Variants in ZNF385B observed in about 807,000 individuals in gnomAD.
ZNF385B encodes the protein zinc finger protein 385B.
ZNF385B carries 23 observed loss-of-function variants against 39.2 expected under a neutral mutation model. That is an observed-to-expected ratio of 0.59 (90% CI 0.42 to 0.83). The LOEUF is 0.83. ZNF385B is among the 40% of genes least tolerant of loss of function. ZNF385B has a pLI of 0.00. For synonymous variants in ZNF385B, 205 were observed against 222.6 expected (o/e 0.92, Z 0.70); for missense variants, 552 against 598.9 (o/e 0.92, Z 0.82).
chr2:179,802,762 C>A (rs1197883763), intron 1 of ZNF385B: 1 of 152,068 alleles, frequency 6.6e-6, no homozygotes, highest in Non-Finnish European at 1.5e-5. Context: ...GAGGAAATTT[C>A]TGAGAGGTAA....
chr2:179,557,838 T>C (rs1240169169), intron 3 of ZNF385B, among the ~76,000 whole-genome samples: 1 of 152,084 alleles, frequency 6.6e-6, no homozygotes, highest in Non-Finnish European at 1.5e-5. Flanking sequence ...ATGAACATAG[T>C]ACCTGATAGG....
chr2:179,733,250 C>A (rs1701511556), intron 3 of ZNF385B, among the ~76,000 whole-genome samples: 1 of 152,164 alleles, frequency 6.6e-6, no homozygotes, highest in East Asian at 1.9e-4. Flanking sequence ...AGGACAAGGG[C>A]AACAGGCTGG....
chr2:179,777,088 A>G (rs1469424839), intron 1 of ZNF385B, among the ~76,000 whole-genome samples: 1 of 151,798 alleles, frequency 6.6e-6, no homozygotes, highest in Non-Finnish European at 1.5e-5. Flanking sequence ...AGAAGACCCA[A>G]CTGTTTAATG....
At chr2:179,820,815 G>A (rs1272981650) in intron 1 of ZNF385B, among the ~76,000 whole-genome samples, 4 of 152,074 alleles carry the variant, frequency 2.6e-5, no homozygotes, top group African/African-American at 4.8e-5. Context: ...AATGGTGGAT[G>A]TTTGCTTTTT....
intron 5 of ZNF385B, among the ~76,000 whole-genome samples, chr2:179,515,968 C>G (rs889345726): frequency 1.3e-5 from 2 of 152,142 alleles, no homozygotes; most frequent in African/African-American, 4.8e-5. Flanking sequence ...ACTGATCTGA[C>G]TATCCCCATA....
intron 3 of ZNF385B, among the ~76,000 whole-genome samples, chr2:179,561,747 TATAAC>T (rs933042431): frequency 4.6e-5 from 7 of 152,168 alleles, no homozygotes; most frequent in Admixed American, 3.9e-4. Flanking sequence ...TACCTACTCT[TATAAC>T]AGACAATACT....
chr2:179,493,809 A>ATATGTATACATATATGTGTATATG (rs2055845492), intron 5 of ZNF385B, among the ~76,000 whole-genome samples: 1 of 145,518 alleles, frequency 6.9e-6, no homozygotes, highest in African/African-American at 2.5e-5. Context: ...ATGTATATAT[A>ATATGTATACATATATGTGTATATG]CATATATATA....
intron 5 of ZNF385B, among the ~76,000 whole-genome samples, chr2:179,486,694 C>T (rs55889142): frequency 0.011 from 1,628 of 152,248 alleles, 9 homozygotes; most frequent in Non-Finnish European, 0.014. Context: ...GAAGGAGTAT[C>T]GCCTGAGCTT....
chr2:179,630,636 C>T (rs888036625), intron 3 of ZNF385B, among the ~76,000 whole-genome samples: 6 of 152,222 alleles, frequency 3.9e-5, no homozygotes, highest in African/African-American at 7.2e-5. Flanking sequence ...CGCAGCTCCT[C>T]GCCAGCAATG....
rs752427840 is a variant in ZNF385B at position 179,447,178 on chromosome 2, T to G, written c.716-408A>C. ...CATGTTAGTTTCATTTGACTACTTATGTTTAATTATGACAGAGATAAGTTA... is the reference window on the plus strand; with the variant it reads ...CATGTTAGTTTCATTTGACTACTTAGGTTTAATTATGACAGAGATAAGTTA... On this transcript the variant is annotated intron_variant, in intron 6 of 9. Coordinates refer to ENST00000410066, the MANE Select transcript of ZNF385B (RefSeq NM_152520.6). Among the ~76,000 whole-genome samples the G allele has an allele frequency of 7.9e-4, 121 of 152,228 alleles. 4 individuals carry two copies. The highest frequency in any genetic ancestry group is 2.6e-4 in the Non-Finnish European group (18 of 68,034).
chr2:179,485,587 T>C (rs2054479962), intron 5 of ZNF385B, among the ~76,000 whole-genome samples: 1 of 152,170 alleles, frequency 6.6e-6, no homozygotes, highest in Admixed American at 6.5e-5. Context: ...TAAATGATGA[T>C]GATGAATTTA....
chr2:179,529,606 C>A (rs2105852071), intron 4 of ZNF385B, among the ~76,000 whole-genome samples: 1 of 151,664 alleles, frequency 6.6e-6, no homozygotes, highest in East Asian at 2.0e-4. Context: ...ACCTGGAAAT[C>A]TTTCAGGGAA....
At chr2:179,552,634 C>T (rs1420618864) in intron 3 of ZNF385B, among the ~76,000 whole-genome samples, 2 of 148,820 alleles carry the variant, frequency 1.3e-5, no homozygotes, top group Non-Finnish European at 3.0e-5. Flanking sequence ...GGATAATTGC[C>T]ATCACCGCAT....
intron 3 of ZNF385B, among the ~76,000 whole-genome samples, chr2:179,690,255 T>C (rs529787930): frequency 7.2e-5 from 11 of 152,074 alleles, no homozygotes; most frequent in Non-Finnish European, 1.5e-4. Flanking sequence ...ACTGATGACC[T>C]TGGGTTAGAG....
intron 3 of ZNF385B, among the ~76,000 whole-genome samples, chr2:179,600,828 T>TA (rs1688353307): frequency 6.6e-6 from 1 of 152,120 alleles, no homozygotes; most frequent in Non-Finnish European, 1.5e-5. Context: ...ACAGAGTGCC[T>TA]AAAGAAAGTT....
intron 6 of ZNF385B, among the ~76,000 whole-genome samples, chr2:179,481,769 T>G (rs188998197): frequency 1.3e-5 from 2 of 152,196 alleles, no homozygotes; most frequent in Non-Finnish European, 2.9e-5. Context: ...GGCAGTGATA[T>G]CCTGCATTAA....
intron 6 of ZNF385B, among the ~76,000 whole-genome samples, chr2:179,460,518 T>G (rs1340659928): frequency 6.6e-6 from 1 of 152,184 alleles, no homozygotes; most frequent in Non-Finnish European, 1.5e-5. Context: ...AACCAGCCAT[T>G]GTTTCTTAGC....
intron 3 of ZNF385B, among the ~76,000 whole-genome samples, chr2:179,574,685 A>G (rs111892994): frequency 4.5e-4 from 68 of 152,332 alleles, no homozygotes; most frequent in African/African-American, 1.6e-3. Context: ...ATACTTGTAC[A>G]TTGAAGAAAT....
chr2:179,580,943 G>A (rs1171768358), intron 3 of ZNF385B, among the ~76,000 whole-genome samples: 2 of 152,190 alleles, frequency 1.3e-5, no homozygotes. Context: ...GTGGCCTATG[G>A]AATGTAAGAA....
Sources: allele counts gnomAD v4.1 joint callset (sites outside exome capture counted in the v4.1 genomes callset), GRCh38; gene constraint gnomAD v4.1.1; transcripts MANE v1.5; gene names NCBI Gene and HGNC (gene_info 2026-07-23, HGNC 2026-07-21).